Variants in PRKG1 observed in about 807,000 individuals in gnomAD.
The protein encoded by PRKG1 is cGMP-dependent protein kinase 1.
In PRKG1, 35 loss-of-function variants were observed where a neutral mutation model predicts 88.1. The ratio of observed to expected loss-of-function variants is 0.40; its 90% CI spans 0.30 to 0.53. The LOEUF (loss-of-function observed/expected upper bound fraction) is 0.53, where lower values mean the gene tolerates loss of function less well. PRKG1 is among the 20% of genes least tolerant of loss of function. PRKG1 has a pLI of 0.59. For missense variants in PRKG1, 540 were observed against 839.8 expected, an observed-to-expected ratio of 0.64 and a Z score of 4.41; for synonymous variants, 303 against 292.5, an observed-to-expected ratio of 1.04 and a Z score of -0.37.
chr10:52,228,291 A>G (rs1218647862), intron 9 of PRKG1, among the ~76,000 whole-genome samples: 1 of 151,974 alleles, frequency 6.6e-6, no homozygotes, highest in African/African-American at 2.4e-5. Flanking sequence ...AAAAGAAAAA[A>G]AAAAAAAGAA....
intron 8 of PRKG1, among the ~76,000 whole-genome samples, chr10:52,158,807 T>A (rs367736815): frequency 6.6e-6 from 1 of 151,424 alleles, no homozygotes; most frequent in Admixed American, 6.6e-5. Flanking sequence ...AAGATTATAG[T>A]TCTGAGTATT....
chr10:51,572,970 G>C (rs973423393), intron 3 of PRKG1, among the ~76,000 whole-genome samples: 8 of 151,834 alleles, frequency 5.3e-5, no homozygotes, highest in East Asian at 1.9e-4. Flanking sequence ...ACAACTGTCA[G>C]ACTCGAGAAT....
intron 2 of PRKG1, among the ~76,000 whole-genome samples, chr10:51,277,799 A>G (rs2132192616): frequency 6.6e-6 from 1 of 152,292 alleles, no homozygotes; most frequent in Non-Finnish European, 1.5e-5. Flanking sequence ...TTGCACATTG[A>G]TTTTGTATCC....
chr10:51,707,231 T>G (rs1189052083), intron 3 of PRKG1, among the ~76,000 whole-genome samples: 1 of 152,176 alleles, frequency 6.6e-6, no homozygotes, highest in Non-Finnish European at 1.5e-5. Context: ...AAATATGTAG[T>G]CGGCTAGAAT....
chr10:52,081,602 T>TGGGAAATAC (rs1001188596), intron 7 of PRKG1: 3 of 456,656 alleles, frequency 6.6e-6, no homozygotes, highest in African/African-American at 6.0e-5. Context: ...TGTAGGCATT[T>TGGGAAATAC]GGGAAATACT....
chr10:51,881,484 A>G, intron 4 of PRKG1, among the ~76,000 whole-genome samples: 1 of 152,148 alleles, frequency 6.6e-6, no homozygotes, highest in Non-Finnish European at 1.5e-5. Flanking sequence ...CTTCTTCCAC[A>G]TGATCTTTCA....
In PRKG1 at chr10:51,136,876, A is replaced by G. The variant is rs576758690; in HGVS notation, c.312-16288A>G. On this transcript the variant is annotated intron_variant, in intron 1 of 17. Coordinates refer to ENST00000373980, the MANE Select transcript of PRKG1 (RefSeq NM_006258.4). ...TGTTATTTTGGATTGAGAATACTTG[A>G]ATATGCCACATTTTAGTAATTATTA... Among the ~76,000 whole-genome samples, 7 of 152,178 alleles carry G rather than the reference A, an allele frequency of 4.6e-5. No individual in the cohort carries two copies. The South Asian group carries it at 1.2e-3, about 27-fold the overall frequency.
intron 3 of PRKG1, among the ~76,000 whole-genome samples, chr10:51,497,883 A>G (rs192371327): frequency 4.0e-4 from 61 of 152,222 alleles, no homozygotes; most frequent in African/African-American, 1.4e-3. Flanking sequence ...AAATCCACAA[A>G]TTCTAGGCAT....
chr10:51,293,284 A>T (rs1253217039), intron 2 of PRKG1, among the ~76,000 whole-genome samples: 1 of 152,174 alleles, frequency 6.6e-6, no homozygotes, highest in East Asian at 1.9e-4. Flanking sequence ...ATTAAAGCAC[A>T]TTATAACTAA....
chr10:51,910,706 C>T (rs1209992658), intron 5 of PRKG1: 1 of 152,044 alleles, frequency 6.6e-6, no homozygotes, highest in East Asian at 1.9e-4. Flanking sequence ...TTGGATTTAA[C>T]CAGGATTGTT....
intron 4 of PRKG1, among the ~76,000 whole-genome samples, chr10:51,856,966 TAAAAAAAAGA>T (rs1207859089): frequency 1.0e-5 from 1 of 96,780 alleles, no homozygotes; most frequent in Non-Finnish European, 2.0e-5. Flanking sequence ...TCCGTCTTAC[TAAAAAAAAGA>T]AAAAAAAAAA....
intron 1 of PRKG1, among the ~76,000 whole-genome samples, chr10:51,045,465 G>A (rs1324487767): frequency 1.3e-5 from 2 of 152,068 alleles, no homozygotes; most frequent in Admixed American, 6.6e-5. Flanking sequence ...TGGGACTACA[G>A]GCATGTGCCA....
At chr10:52,234,505 C>T (rs946691623) in intron 9 of PRKG1, among the ~76,000 whole-genome samples, 4 of 150,786 alleles carry the variant, frequency 2.7e-5, no homozygotes, top group Non-Finnish European at 4.4e-5. Flanking sequence ...GGCTCGAGAA[C>T]TACGTGAAGA....
intron 8 of PRKG1, among the ~76,000 whole-genome samples, chr10:52,134,862 C>G (rs1837362777): frequency 1.3e-5 from 2 of 152,032 alleles, no homozygotes; most frequent in Admixed American, 1.3e-4. Context: ...TCACTAGAAC[C>G]AGAGCAGAGA....
At chr10:52,088,299 ATAGT>A (rs1032865744) in intron 7 of PRKG1, among the ~76,000 whole-genome samples, 2 of 151,022 alleles carry the variant, frequency 1.3e-5, no homozygotes, top group Admixed American at 6.6e-5. Flanking sequence ...TAATGAGGAA[ATAGT>A]TTGTTTACAA....
chr10:51,004,821 C>G (rs1842924891), intron 1 of PRKG1, among the ~76,000 whole-genome samples: 1 of 152,048 alleles, frequency 6.6e-6, no homozygotes, highest in African/African-American at 2.4e-5. Flanking sequence ...ATCTATTGCT[C>G]TTAAATAAAA....
chr10:51,912,565 A>G (rs560587904), intron 5 of PRKG1, among the ~76,000 whole-genome samples: 8 of 152,312 alleles, frequency 5.3e-5, no homozygotes, highest in East Asian at 1.9e-4. Context: ...AAAACAATTT[A>G]AAAGTAATAT....
intron 2 of PRKG1, among the ~76,000 whole-genome samples, chr10:51,455,911 G>T (rs1839571686): frequency 6.6e-6 from 1 of 152,146 alleles, no homozygotes; most frequent in South Asian, 2.1e-4. Flanking sequence ...TACCCAATTT[G>T]AAAGTCACTT....
intron 2 of PRKG1, among the ~76,000 whole-genome samples, chr10:51,159,135 C>T (rs1846296098): frequency 6.6e-6 from 1 of 152,060 alleles, no homozygotes; most frequent in African/African-American, 2.4e-5. Context: ...TATTTTCCCT[C>T]CCCAAACATT....
Sources: allele counts gnomAD v4.1 joint callset (sites outside exome capture counted in the v4.1 genomes callset), GRCh38; gene constraint gnomAD v4.1.1; transcripts MANE v1.5; gene names NCBI Gene and HGNC (gene_info 2026-07-23, HGNC 2026-07-21).